Variants in ZBTB14 observed in about 807,000 individuals in gnomAD.
The protein encoded by ZBTB14 is zinc finger and BTB domain containing 14.
In ZBTB14, 8 loss-of-function variants were observed where a neutral mutation model predicts 29.5. The observed-to-expected ratio is 0.27, with a 90% CI of 0.16 to 0.49. The LOEUF is 0.49. Ranked by LOEUF, ZBTB14 falls within the 20% of genes least tolerant of loss-of-function variation. The pLI is 0.99. For synonymous variants in ZBTB14, 226 were observed against 207.2 expected, an observed-to-expected ratio of 1.09 and a Z score of -0.78; for missense variants, 333 against 563.8, an observed-to-expected ratio of 0.59 and a Z score of 4.15.
In ZBTB14 at chr18:5,290,612, A is replaced by C; in HGVS notation, c.*246T>G. 3.0e-6 allele frequency: 1 copy of C among 335,936 alleles called. No homozygotes were observed. Among genetic ancestry groups the C allele is most frequent in the Non-Finnish European group, 4.7e-6 (1 of 212,400 alleles). 20.8% of individuals were successfully genotyped at this position (335,936 alleles called of 1,614,324 possible). ...TTAAAATAATAAAAAAAAAAAAGGG[A>C]GAGAGGTGCTTACTGGGCAACATTA... is the stretch of plus-strand genomic sequence containing the variant. On this transcript the variant is annotated 3_prime_UTR_variant, in exon 4 of 4. Coordinates refer to ENST00000651870, the MANE Select transcript of ZBTB14 (RefSeq NM_001243702.2).
Position 5,291,518 on chromosome 18 carries a change from G to A in ZBTB14, c.690C>T (p.Asp230=). 6.2e-7 allele frequency: 1 copy of A among 1,614,198 alleles called. No individual in the cohort carries two copies. Among genetic ancestry groups the A allele is most frequent in the Non-Finnish European group, 8.5e-7 (1 of 1,180,040 alleles). Residue 230 remains aspartate (D), a synonymous_variant, in exon 4 of 4, where the codon GAC becomes GAT. Transcript: ENST00000651870. The surrounding 1 kb of genome is among the most constrained non-coding windows in gnomAD (Gnocchi z 5.8). ...AGGCTTGAGGGGTCTGGGACCCCAA[G>A]TCTTTTGATTCTGGGGTCTCCATGG... is the stretch of plus-strand genomic sequence containing the variant. ...VESMETPESK[D]LGSQTPQALT... is the part of the protein sequence containing the mutation.
chr18:5,294,619 G>A (rs1226252043), intron 1 of ZBTB14, among the ~76,000 whole-genome samples: 1 of 151,952 alleles, frequency 6.6e-6, no homozygotes, highest in African/African-American at 2.4e-5. Flanking sequence ...GCTCAGTTCA[G>A]GTGAGTCAAA....
At chr18:5,296,559 G>T (rs1369283142), upstream of ZBTB14, among the ~76,000 whole-genome samples, 1 of 151,838 alleles carries the variant, frequency 6.6e-6, no homozygotes, top group East Asian at 2.0e-4. Flanking sequence ...CGCCCTCCGC[G>T]CACACCGGCC....
chr18:5,291,304 C>T lies in ZBTB14; in HGVS notation c.904G>A (p.Asp302Asn). 6.2e-7 allele frequency: 1 copy of T among 1,614,234 alleles called. No individual in the cohort carries two copies. The highest frequency in any genetic ancestry group is 8.5e-7 in the Non-Finnish European group (1 of 1,180,038). ...LRKHEKLHTA[D>N]RPFVCEMCTK... Reference sequence around the variant, plus strand: ...CACATTTCACAAACAAATGGCCTGTCCGCCGTGTGGAGTTTCTCATGCTTC... The same window carrying T: ...CACATTTCACAAACAAATGGCCTGTTCGCCGTGTGGAGTTTCTCATGCTTC... Residue 302 changes from aspartate (D) to asparagine (N), a missense_variant, in exon 4 of 4, where the codon GAC (aspartate) becomes AAC (asparagine). By Grantham distance (23) the Asp-to-Asn change is conservative. Around this residue, in one of 3 missense-constraint regions of ZBTB14, gnomAD observed 140 missense variants for 274.6 expected, o/e 0.51. Coordinates refer to ENST00000651870, the MANE Select transcript of ZBTB14 (RefSeq NM_001243702.2). This position sits in a 1 kb window ranked among gnomAD's most constrained non-coding sequence, Gnocchi z 5.8.
At chr18:5,295,416 G>A (rs1456602127) in intron 1 of ZBTB14, among the ~76,000 whole-genome samples, 1 of 145,140 alleles carries the variant, frequency 6.9e-6, no homozygotes, top group Non-Finnish European at 1.5e-5. Flanking sequence ...GGCTCGGAGG[G>A]GCGGCGCCCG....
intron 1 of ZBTB14, among the ~76,000 whole-genome samples, chr18:5,295,291 G>A (rs1176606586): frequency 3.5e-5 from 5 of 144,804 alleles, no homozygotes; most frequent in East Asian, 4.2e-4. Context: ...GCGGCCGGGG[G>A]CGGGGGCGGC....
intron 1 of ZBTB14, 111 bp downstream of exon 1, chr18:5,295,541 G>A (rs963686021): frequency 6.9e-6 from 1 of 144,362 alleles, no homozygotes; most frequent in Non-Finnish European, 1.5e-5. Context: ...GAGCGCGCGC[G>A]CGGGGCCGCC....
chr18:5,294,680 C>T, intron 1 of ZBTB14: 1 of 152,384 alleles, frequency 6.6e-6, no homozygotes, highest in Non-Finnish European at 1.5e-5. Context: ...TAGGAAAAGA[C>T]GTAGCCCCAA....
Position 5,291,691 on chromosome 18 carries a change from G to T in ZBTB14, c.517C>A (p.Pro173Thr), listed in dbSNP as rs2071818593. 1 of 1,614,018 alleles carries T rather than the reference G, an allele frequency of 6.2e-7. No individual in the cohort carries two copies. The highest frequency in any genetic ancestry group is 1.1e-5 in the South Asian group (1 of 91,078). ...VEEIGDQDDS[P>T]SDDTVEGTPP... is the part of the protein sequence containing the mutation. Reference sequence around the variant, plus strand: ...GTGCCTTCTACTGTGTCATCAGAAGGACTGTCATCCTGATCCCCGATTTCC... The same window carrying T: ...GTGCCTTCTACTGTGTCATCAGAAGTACTGTCATCCTGATCCCCGATTTCC... The change falls in exon 4 of 4, where the codon CCT (proline) becomes ACT (threonine). Residue 173 changes from proline to threonine, a missense_variant. Pro to Thr is a conservative substitution (Grantham distance 38). Around this residue, in one of 3 missense-constraint regions of ZBTB14, gnomAD observed 126 missense variants for 132.2 expected, o/e 0.95. Coordinates refer to ENST00000651870, the MANE Select transcript of ZBTB14 (RefSeq NM_001243702.2). This position sits in a 1 kb window ranked among gnomAD's most constrained non-coding sequence, Gnocchi z 5.8.
intron 1 of ZBTB14, 73 bp downstream of exon 1, chr18:5,295,579 C>T (rs1247817565): frequency 6.9e-6 from 1 of 144,472 alleles, no homozygotes; most frequent in Admixed American, 6.8e-5. Flanking sequence ...CGAGCCCGCT[C>T]GCCGGCCCGC....
chr18:5,295,102 C>G (rs960996242), intron 1 of ZBTB14, among the ~76,000 whole-genome samples: 1 of 150,510 alleles, frequency 6.6e-6, no homozygotes, highest in Non-Finnish European at 1.5e-5. Context: ...GACCGCGGCT[C>G]GGAGCGCGCA....
upstream of ZBTB14, chr18:5,296,932 T>C (rs991672414): frequency 1.3e-5 from 2 of 152,062 alleles, no homozygotes; most frequent in Non-Finnish European, 2.9e-5. Flanking sequence ...CCACGTCGCC[T>C]TCCCTCTGAC....
chr18:5,291,376 C>A lies in ZBTB14; in HGVS notation c.832G>T (p.Ala278Ser), dbSNP rs553781670. Residue 278 changes from alanine to serine, a missense_variant, in exon 4 of 4, where the codon GCC becomes TCC. Coordinates refer to ENST00000651870, the MANE Select transcript of ZBTB14 (RefSeq NM_001243702.2). The surrounding 1 kb of genome is among the most constrained non-coding windows in gnomAD (Gnocchi z 5.8). ...AACGTCTTCCCACACGCCTGGCAGG[C>A]AATCTGCTCCCGATGGTGACCATAA... ...LLYGHHREQI[A>S]CQACGKTFSD... 1 of 1,614,244 alleles carries A rather than the reference C, an allele frequency of 6.2e-7. No homozygotes were observed. Among genetic ancestry groups the A allele is most frequent in the East Asian group, 2.2e-5 (1 of 44,878 alleles).
intron 1 of ZBTB14, among the ~76,000 whole-genome samples, chr18:5,295,028 C>T (rs2071914481): frequency 6.6e-6 from 1 of 151,996 alleles, no homozygotes; most frequent in Non-Finnish European, 1.5e-5. Flanking sequence ...AGCTCCCAGC[C>T]TGGGAGCCAG....
In ZBTB14 at chr18:5,291,235, T is replaced by G; in HGVS notation, c.973A>C (p.Lys325Gln). The G allele has an allele frequency of 1.2e-6, 2 of 1,614,266 alleles. No homozygotes were observed. The highest frequency in any genetic ancestry group is 1.7e-6 in the Non-Finnish European group (2 of 1,180,044). Reference protein sequence around the residue: ...TTQAHLKEHLKIHTGYKPYSC... With the variant: ...TTQAHLKEHLQIHTGYKPYSC... ...TAGGGCTTATATCCTGTGTGGATTT[T>G]TAGGTGTTCTTTCAGGTGGGCCTGT... is the stretch of plus-strand genomic sequence containing the variant. Residue 325 changes from lysine (K) to glutamine (Q), a missense_variant, in exon 4 of 4, where the codon AAA (lysine) becomes CAA (glutamine). This residue lies in a region of ZBTB14 where 140 missense variants were observed against 274.6 expected (regional missense o/e 0.51). Coordinates refer to ENST00000651870, the MANE Select transcript of ZBTB14 (RefSeq NM_001243702.2). The surrounding 1 kb of genome is among the most constrained non-coding windows in gnomAD (Gnocchi z 5.8).
At position 5,291,416 on chromosome 18, in the gene ZBTB14, C is replaced by T; in HGVS notation, c.792G>A (p.Lys264=). ...GGTGACCATAAAGCAAATACTCAAA[C>T]TTCATGTCACTGGCGGCTGTTGTCC... The part of the protein sequence containing the change: ...PGWTTAASDM[K]FEYLLYGHHR... Residue 264 remains lysine, a synonymous_variant, in exon 4 of 4, where the codon AAG becomes AAA. Coordinates refer to ENST00000651870, the MANE Select transcript of ZBTB14 (RefSeq NM_001243702.2). This position sits in a 1 kb window ranked among gnomAD's most constrained non-coding sequence, Gnocchi z 5.8. 6.2e-7 allele frequency: 1 copy of T among 1,614,228 alleles called. No individual in the cohort carries two copies. The highest frequency in any genetic ancestry group is 8.5e-7 in the Non-Finnish European group (1 of 1,180,042).
chr18:5,293,423 C>G, intron 2 of ZBTB14, 96 bp from the exon 3 acceptor site: 1 of 692,900 alleles, frequency 1.4e-6, no homozygotes. Context: ...CTTTCTTGTT[C>G]CCTCTTTTGT....
At position 5,292,091 on chromosome 18, in the gene ZBTB14, A is replaced by T. The variant is rs534567842; in HGVS notation, c.117T>A (p.Ala39=). Residue 39 remains alanine (A), a synonymous_variant, in exon 4 of 4, where the codon GCT becomes GCA. Transcript: ENST00000651870. ...TGAATTTCACATCCTCAACCACAAT[A>T]GCAATATCACAAAATTCTCCTTCCA... ...QRLEGEFCDI[A]IVVEDVKFRA... 182 of 1,609,026 alleles carry T rather than the reference A, an allele frequency of 1.1e-4. 1 individual carries two copies. In the South Asian group the frequency reaches 1.8e-3, roughly 16 times the overall value.
chr18:5,295,482 G>A (rs905168430), intron 1 of ZBTB14, among the ~76,000 whole-genome samples, 170 bp downstream of exon 1: 12 of 144,722 alleles, frequency 8.3e-5, no homozygotes, highest in African/African-American at 3.0e-4. Flanking sequence ...GCGGTGCACT[G>A]CGGCGGTGCG....
Sources: gnomAD v4.1 joint callset for allele counts (sites outside exome capture counted in the v4.1 genomes callset) on GRCh38, gnomAD v4.1.1 for gene constraint, gnomAD v4.1.1 regional missense constraint, Gnocchi (gnomAD v3.1) non-coding constraint, MANE v1.5 for transcripts, NCBI Gene and HGNC (gene_info 2026-07-23, HGNC 2026-07-21) for gene names.